The following PLCD4 variants were observed in gnomAD, a reference collection of about 807,000 sequenced individuals.
PLCD4 encodes 1-phosphatidylinositol 4,5-bisphosphate phosphodiesterase delta-4.
PLCD4 carries 63 observed loss-of-function variants against 90.2 expected under a neutral mutation model. That is an observed-to-expected ratio of 0.70 (90% CI 0.57 to 0.86). PLCD4 has a LOEUF of 0.86. PLCD4 is among the 40% of genes least tolerant of loss of function. The pLI is 0.00. For synonymous variants in PLCD4, 294 were observed against 356.5 expected, an observed-to-expected ratio of 0.82 and a Z score of 1.97; for missense variants, 830 against 956.3, an observed-to-expected ratio of 0.87 and a Z score of 1.74.
intron 3 of PLCD4, among the ~76,000 whole-genome samples, chr2:218,616,934 A>AT (rs1199144362): frequency 1.1e-4 from 2 of 17,442 alleles, no homozygotes; most frequent in African/African-American, 6.9e-4. Flanking sequence ...ATATAGAGAG[A>AT]GAGAGAGAGA....
In PLCD4 at chr2:218,634,296, G is replaced by T; in HGVS notation, c.1723+75G>T. 1 of 1,573,418 alleles carries T rather than the reference G, an allele frequency of 6.4e-7. No homozygotes were observed. Among genetic ancestry groups the T allele is most frequent in the East Asian group, 2.3e-5 (1 of 42,848 alleles). On this transcript the variant is annotated intron_variant, in intron 12 of 15. Coordinates refer to ENST00000450993, the MANE Select transcript of PLCD4 (RefSeq NM_032726.4). The surrounding 1 kb of genome is among the most constrained non-coding windows in gnomAD (Gnocchi z 4.0). ...GGAAATAAGTTCTCTAGTGATGGTA[G>T]GGTTGGGGAATGCTCAAGAAAATTG...
Position 218,618,689 on chromosome 2 carries a change from C to T in PLCD4, c.292C>T (p.Arg98Cys), listed in dbSNP as rs201896370. Residue 98 changes from arginine (R) to cysteine (C), a missense_variant, in exon 4 of 16, where the codon CGC becomes TGC. Transcript: ENST00000450993. ...GGGCTTCACCATTGTCTTCCATGGC[C>T]GCCGCTCCAACCTGGACCTGATGGC... ...EQGFTIVFHG[R>C]RSNLDLMANS... 1.0e-4 allele frequency: 164 copies of T among 1,613,780 alleles called. No homozygotes were observed. Among genetic ancestry groups the T allele is most frequent in the East Asian group, 5.1e-4 (23 of 44,892 alleles).
chr2:218,635,387 G>A (rs1696666044), intron 13 of PLCD4, among the ~76,000 whole-genome samples: 1 of 152,166 alleles, frequency 6.6e-6, no homozygotes, highest in African/African-American at 2.4e-5. Flanking sequence ...GCTGCAGGCT[G>A]GAGTGCAGTG....
chr2:218,616,022 C>G lies in PLCD4; in HGVS notation c.141C>G (p.Val47=). The G allele has an allele frequency of 6.2e-7, 1 of 1,613,982 alleles. No individual in the cohort carries two copies. The highest frequency in any genetic ancestry group is 8.5e-7 in the Non-Finnish European group (1 of 1,179,902). The change falls in exon 3 of 16, where the codon GTC becomes GTG. Residue 47 remains valine (V), a synonymous_variant. Coordinates refer to ENST00000450993, the MANE Select transcript of PLCD4 (RefSeq NM_032726.4). ...YFRLQNDGMT[V]WHARQARGSA... Reference sequence around the variant, plus strand: ...GACTTCAGAATGACGGCATGACAGTCTGGCATGCACGGCAGGCCAGGGGCA... The same window carrying G: ...GACTTCAGAATGACGGCATGACAGTGTGGCATGCACGGCAGGCCAGGGGCA...
intron 6 of PLCD4, among the ~76,000 whole-genome samples, chr2:218,624,814 G>GAT (rs1265244157): frequency 8.6e-5 from 13 of 151,572 alleles, no homozygotes; most frequent in African/African-American, 3.1e-4. Flanking sequence ...AAAAGTTTAA[G>GAT]AGATAGAATC....
intron 1 of PLCD4, among the ~76,000 whole-genome samples, chr2:218,615,303 C>T (rs1405565975): frequency 1.3e-5 from 2 of 152,120 alleles, no homozygotes; most frequent in East Asian, 3.8e-4. Flanking sequence ...AGAGAGGACT[C>T]CCAGAATAGG....
At position 218,634,690 on chromosome 2, in the gene PLCD4, G is replaced by T. The variant is rs555720330; in HGVS notation, c.1896+60G>T. ...GATAACTGGGATAGAAGTGAGGGAA[G>T]AGGTGGCTAGGCCTGACCGGAATGT... On this transcript the variant is annotated intron_variant, in intron 13 of 15. Coordinates refer to ENST00000450993, the MANE Select transcript of PLCD4 (RefSeq NM_032726.4). The surrounding 1 kb of genome is among the most constrained non-coding windows in gnomAD (Gnocchi z 4.0). The T allele has an allele frequency of 1.5e-5, 23 of 1,576,662 alleles. No individual in the cohort carries two copies. The highest frequency in any genetic ancestry group is 2.0e-5 in the Non-Finnish European group (23 of 1,154,326).
Position 218,622,899 on chromosome 2 carries a change from A to G in PLCD4, c.772+21A>G, listed in dbSNP as rs1481493773. ...CAGTGGTAAGAGAAATCAGGTGGAGAGGCACCAGACATAGGGGTTGGAGAG... is the reference window on the plus strand; with the variant it reads ...CAGTGGTAAGAGAAATCAGGTGGAGGGGCACCAGACATAGGGGTTGGAGAG... On this transcript the variant is annotated intron_variant, in intron 6 of 15. Transcript: ENST00000450993. 2.5e-6 allele frequency: 4 copies of G among 1,597,556 alleles called. No individual in the cohort carries two copies. In the African/African-American group the frequency reaches 5.4e-5, roughly 21 times the overall value.
At chr2:218,633,960 TG>T in intron 11 of PLCD4, 144 bp from the exon 12 acceptor site, 1 of 1,260,808 alleles carries the variant, frequency 7.9e-7, no homozygotes, top group Non-Finnish European at 1.1e-6. Flanking sequence ...CTGGTCTGGA[TG>T]GACAGAGTAG....
chr2:218,634,361 T>C lies in PLCD4; in HGVS notation c.1724-97T>C. The C allele has an allele frequency of 1.9e-6, 3 of 1,572,082 alleles. No individual in the cohort carries two copies. Among genetic ancestry groups the C allele is most frequent in the Non-Finnish European group, 2.6e-6 (3 of 1,155,734 alleles). On this transcript the variant is annotated intron_variant, in intron 12 of 15. Coordinates refer to ENST00000450993, the MANE Select transcript of PLCD4 (RefSeq NM_032726.4). This position sits in a 1 kb window ranked among gnomAD's most constrained non-coding sequence, Gnocchi z 4.0. ...GCTATCAGTGGATATTACCAGCAGG[T>C]ACCGTGCACCCAGTACCTATCTTCT...
chr2:218,635,886 C>G lies in PLCD4; in HGVS notation c.1987C>G (p.Arg663Gly). Residue 663 changes from arginine (R) to glycine (G), a missense_variant, in exon 14 of 16, where the codon CGT becomes GGT. Arg to Gly is a moderately radical substitution (Grantham distance 125). Coordinates refer to ENST00000450993, the MANE Select transcript of PLCD4 (RefSeq NM_032726.4). Reference sequence around the variant, plus strand: ...GGTGAAAGTGCAGATCTTTGGCGTTCGTCTAGACACAGCACGGCAGGAGAC... The same window carrying G: ...GGTGAAAGTGCAGATCTTTGGCGTTGGTCTAGACACAGCACGGCAGGAGAC... ...PLVKVQIFGV[R>G]LDTARQETNY... 1 of 1,613,920 alleles carries G rather than the reference C, an allele frequency of 6.2e-7. No homozygotes were observed. The highest frequency in any genetic ancestry group is 1.1e-5 in the South Asian group (1 of 91,070).
At chr2:218,617,447 C>T (rs935991208) in intron 3 of PLCD4, among the ~76,000 whole-genome samples, 5 of 150,844 alleles carry the variant, frequency 3.3e-5, no homozygotes, top group African/African-American at 4.8e-5. Flanking sequence ...CTTGGTGGCG[C>T]GCACCTGTAG....
intron 14 of PLCD4, 49 bp from the exon 15 acceptor site, chr2:218,636,194 A>G (rs768761276): frequency 6.3e-7 from 1 of 1,584,008 alleles, no homozygotes; most frequent in Admixed American, 1.7e-5. Context: ...CAACCCAGTC[A>G]AGAAAACTGT....
chr2:218,616,927 TAGAGAGAGAGAG>T (rs71266346), intron 3 of PLCD4, among the ~76,000 whole-genome samples: 139 of 13,718 alleles, frequency 0.01, 2 homozygotes, highest in African/African-American at 0.034. Context: ...TATATATATA[TAGAGAGAGAGAG>T]AGAGAGAGAG....
At position 218,632,134 on chromosome 2, in the gene PLCD4, A is replaced by C. The variant is rs1189029740; in HGVS notation, c.1273-2A>C. 6.2e-6 allele frequency: 10 copies of C among 1,602,524 alleles called. No homozygotes were observed. The highest frequency in any genetic ancestry group is 8.5e-6 in the Non-Finnish European group (10 of 1,174,852). ...ACAGGCCCCTTCATTTTTGTCCCCT[A>C]GGAGCTTCGGAGGAAGATCCTGGTG... On this transcript the variant is annotated splice_acceptor_variant, in intron 9 of 15. Coordinates refer to ENST00000450993, the MANE Select transcript of PLCD4 (RefSeq NM_032726.4). LOFTEE classifies it high-confidence loss of function.
chr2:218,628,293 G>A (rs750734553), intron 7 of PLCD4, 63 bp downstream of exon 7: 4 of 1,503,404 alleles, frequency 2.7e-6, no homozygotes, highest in East Asian at 2.3e-5. Context: ...AGTGAGGGGA[G>A]CTGTCAGTGT....
chr2:218,616,686 C>T (rs941228571), intron 3 of PLCD4, among the ~76,000 whole-genome samples: 1 of 149,738 alleles, frequency 6.7e-6, no homozygotes, highest in African/African-American at 2.5e-5. Flanking sequence ...CACTGCACTC[C>T]GCCTGGGTGA....
chr2:218,627,861 T>G (rs1357281944), intron 6 of PLCD4, among the ~76,000 whole-genome samples, 168 bp from the exon 7 acceptor site: 1 of 152,108 alleles, frequency 6.6e-6, no homozygotes, highest in Non-Finnish European at 1.5e-5. Context: ...GTGGGAATGA[T>G]TGAAATGATA....
At position 218,634,514 on chromosome 2, in the gene PLCD4, C is replaced by T. The variant is rs376838439; in HGVS notation, c.1780C>T (p.Arg594Cys). ...LEMDICDGHF[R>C]QNGGCGYVLK... ...AATGGACATCTGTGATGGGCATTTCCGCCAGAATGGCGGCTGTGGCTATGT... is the reference window on the plus strand; with the variant it reads ...AATGGACATCTGTGATGGGCATTTCTGCCAGAATGGCGGCTGTGGCTATGT... Residue 594 changes from arginine (R) to cysteine (C), a missense_variant, in exon 13 of 16, where the codon CGC (arginine) becomes TGC (cysteine). Physicochemically the swap from Arg to Cys is radical, Grantham distance 180. Transcript: ENST00000450993. The surrounding 1 kb of genome is among the most constrained non-coding windows in gnomAD (Gnocchi z 4.0). 59 of 1,613,894 alleles carry T rather than the reference C, an allele frequency of 3.7e-5. No individual in the cohort carries two copies. The highest frequency in any genetic ancestry group is 2.0e-4 in the Admixed American group (12 of 60,004).
Sources: allele counts gnomAD v4.1 joint callset (sites outside exome capture counted in the v4.1 genomes callset), GRCh38; gene constraint gnomAD v4.1.1; non-coding constraint Gnocchi (gnomAD v3.1); transcripts MANE v1.5; gene names NCBI Gene and HGNC (gene_info 2026-07-23, HGNC 2026-07-21).